PPEF1: variants seen among roughly 807,000 people sequenced by gnomAD.
PPEF1 encodes serine/threonine-protein phosphatase with EF-hands 1.
A neutral mutation model predicts 53.3 loss-of-function variants in PPEF1; 12 were observed. That is an observed-to-expected ratio of 0.23 (90% confidence interval 0.14 to 0.36). The LOEUF (loss-of-function observed/expected upper bound fraction) is 0.36. PPEF1 is among the 10% of genes least tolerant of loss of function. The probability of loss-of-function intolerance (pLI) is 1.00; values close to 1 mark genes in which losing one functional copy is unlikely to be tolerated. For missense variants in PPEF1, 334 were observed against 490.4 expected (o/e 0.68, Z 3.01); for synonymous variants, 165 against 176.7 (o/e 0.93, Z 0.52).
At chrX:18,714,323 G>A (rs1247956401) in intron 1 of PPEF1, among the ~76,000 whole-genome samples, 3 of 100,748 alleles carry the variant, frequency 3.0e-5, no homozygotes, top group Admixed American at 1.1e-4. Context: ...CTGGGCTGGA[G>A]CGCAGTGGCG....
At chrX:18,738,877 G>C (rs1329889003) in intron 3 of PPEF1, among the ~76,000 whole-genome samples, 1 of 111,234 alleles carries the variant, frequency 9.0e-6, no homozygotes. Flanking sequence ...TCATTCATTT[G>C]ATCTTCAATC....
intron 4 of PPEF1, among the ~76,000 whole-genome samples, chrX:18,695,765 A>C (rs779625449): frequency 8.9e-6 from 1 of 112,596 alleles, no homozygotes; most frequent in African/African-American, 3.2e-5. Context: ...TAATCTATTT[A>C]TTAAATCACA....
chrX:18,700,776 C>G (rs1285037528), intron 6 of PPEF1, among the ~76,000 whole-genome samples: 1 of 112,153 alleles, frequency 8.9e-6, no homozygotes, highest in African/African-American at 3.2e-5. Context: ...ATTCTCCAAA[C>G]TCCACTGCAC....
chrX:18,812,778 C>G (rs1356375878), intron 12 of PPEF1, among the ~76,000 whole-genome samples: 1 of 110,746 alleles, frequency 9.0e-6, no homozygotes, highest in African/African-American at 3.3e-5. Flanking sequence ...TTCCTTTTCT[C>G]TTTTTTTGGA....
intron 1 of PPEF1, among the ~76,000 whole-genome samples, chrX:18,719,928 A>T (rs972786080): frequency 2.7e-5 from 3 of 111,973 alleles, no homozygotes; most frequent in Non-Finnish European, 5.6e-5. Flanking sequence ...AGAGGCAAAC[A>T]CTTCTACAGT....
intron 15 of PPEF1, among the ~76,000 whole-genome samples, chrX:18,826,263 A>G (rs1033215747): frequency 1.1e-4 from 12 of 110,820 alleles, no homozygotes; most frequent in Non-Finnish European, 2.3e-4. Flanking sequence ...GGTAGCCATC[A>G]GTCAAACTGA....
At chrX:18,754,052 T>TA (rs11334908) in intron 4 of PPEF1, among the ~76,000 whole-genome samples, 32 of 96,174 alleles carry the variant, frequency 3.3e-4, no homozygotes, top group South Asian at 1.5e-3. Context: ...AGGAGCGATT[T>TA]AAAAAAAAAA....
At chrX:18,817,459 A>T (rs2046944030) in intron 12 of PPEF1, among the ~76,000 whole-genome samples, 1 of 110,505 alleles carries the variant, frequency 9.0e-6, no homozygotes, top group South Asian at 3.9e-4. Context: ...CTCCTGCCTC[A>T]GCCTCCCAAG....
intron 1 of PPEF1, among the ~76,000 whole-genome samples, chrX:18,725,401 G>C (rs1170818724): frequency 9.0e-6 from 1 of 111,723 alleles, no homozygotes; most frequent in African/African-American, 3.3e-5. Flanking sequence ...GGTATCTCCG[G>C]GGCTGCCATG....
chrX:18,707,225 T>C (rs1310744710), upstream of PPEF1, among the ~76,000 whole-genome samples: 1 of 112,080 alleles, frequency 8.9e-6, no homozygotes. Context: ...TATGTTGTTT[T>C]TGTCTCATAG....
chrX:18,700,337 C>T (rs1389145085), exon 6 of PPEF1: 1 of 106,467 alleles, frequency 9.4e-6, no homozygotes, highest in Non-Finnish European at 1.9e-5. Context: ...TTTCAGCCCT[C>T]TGCATTTCCC....
chrX:18,809,447 T>G (rs2046758687), intron 12 of PPEF1, among the ~76,000 whole-genome samples: 1 of 110,858 alleles, frequency 9.0e-6, no homozygotes, highest in African/African-American at 3.3e-5. Flanking sequence ...GGCTCACGCT[T>G]GTAGTCCCAG....
At chrX:18,758,288 A>G (rs1384211207) in intron 5 of PPEF1, among the ~76,000 whole-genome samples, 2 of 111,239 alleles carry the variant, frequency 1.8e-5, no homozygotes, top group Non-Finnish European at 3.8e-5. Context: ...TATTGCTTCA[A>G]GAAACAGTAC....
At chrX:18,821,641 G>A (rs1049056239) in intron 13 of PPEF1, among the ~76,000 whole-genome samples, 36 of 110,397 alleles carry the variant, frequency 3.3e-4, no homozygotes, top group African/African-American at 1.1e-3. Flanking sequence ...GCAACTCTTG[G>A]CCTTAGGTGA....
chrX:18,750,411 A>G (rs780993316), intron 4 of PPEF1, among the ~76,000 whole-genome samples: 36 of 112,281 alleles, frequency 3.2e-4, no homozygotes, highest in African/African-American at 1.1e-3. Flanking sequence ...AAATCATCAA[A>G]TATATGGCCT....
At chrX:18,726,748 G>A (rs893487108) in intron 1 of PPEF1, among the ~76,000 whole-genome samples, 1 of 108,875 alleles carries the variant, frequency 9.2e-6, no homozygotes, top group Non-Finnish European at 1.9e-5. Context: ...TGCAACCTCC[G>A]TCTCCTAGGT....
intron 12 of PPEF1, among the ~76,000 whole-genome samples, chrX:18,813,701 G>T (rs1431595096): frequency 1.8e-5 from 2 of 111,626 alleles, no homozygotes; most frequent in Non-Finnish European, 3.8e-5. Context: ...TATTTTTATA[G>T]ATGCCTCTCG....
chrX:18,780,041 A>G (rs753410466), intron 7 of PPEF1, among the ~76,000 whole-genome samples: 2 of 112,392 alleles, frequency 1.8e-5, no homozygotes, highest in South Asian at 7.4e-4. Flanking sequence ...TCAGAGGCCC[A>G]TTATATATAA....
chrX:18,708,664 G>T (rs149939109), intron 1 of PPEF1, among the ~76,000 whole-genome samples: 1 of 111,810 alleles, frequency 8.9e-6, no homozygotes. Context: ...AGGATGCAGA[G>T]TGTGCTATAC....
Sources: gnomAD v4.1 joint callset for allele counts (sites outside exome capture counted in the v4.1 genomes callset) on GRCh38, gnomAD v4.1.1 for gene constraint, MANE v1.5 for transcripts, NCBI Gene and HGNC (gene_info 2026-07-23, HGNC 2026-07-21) for gene names.